Variants in AQR observed in about 807,000 individuals in gnomAD.
The protein encoded by AQR is RNA helicase aquarius.
AQR carries 61 observed loss-of-function variants against 180.5 expected under a neutral mutation model. The observed-to-expected ratio is 0.34, with a 90% confidence interval of 0.28 to 0.42. The LOEUF is 0.42. Ranked by LOEUF, AQR falls within the 10% of genes least tolerant of loss-of-function variation. The pLI is 1.00. For missense variants in AQR, 1,281 were observed against 1,798.3 expected (o/e 0.71, Z 5.20); for synonymous variants, 551 against 588.8 (o/e 0.94, Z 0.93).
chr15:34,904,670 G>A (rs1893384355), intron 18 of AQR, among the ~76,000 whole-genome samples, 165 bp from the exon 19 acceptor site: 2 of 150,504 alleles, frequency 1.3e-5, no homozygotes, highest in Non-Finnish European at 2.9e-5. Context: ...CAAATTCTAA[G>A]ATGCTGAAAG....
intron 5 of AQR, 67 bp from the exon 6 acceptor site, chr15:34,944,495 G>C: frequency 6.8e-7 from 1 of 1,472,590 alleles, no homozygotes. Flanking sequence ...AGAAGCCCTA[G>C]TAGGCTTTTT....
chr15:34,938,929 G>T, intron 8 of AQR, 116 bp from the exon 9 acceptor site: 1 of 707,950 alleles, frequency 1.4e-6, no homozygotes, highest in Admixed American at 2.5e-5. Context: ...TCTTTGTGAA[G>T]CTGGGACTAT....
intron 1 of AQR, among the ~76,000 whole-genome samples, chr15:34,968,629 AC>A (rs1283561888): frequency 6.6e-6 from 1 of 152,216 alleles, no homozygotes; most frequent in African/African-American, 2.4e-5. Context: ...TCGGAAAGCA[AC>A]ATGAAGAATG....
chr15:34,870,790 G>A lies in AQR; in HGVS notation c.3730C>T (p.Arg1244Ter), dbSNP rs1198187767. 6.2e-7 allele frequency: 1 copy of A among 1,612,494 alleles called. No individual in the cohort carries two copies. Among genetic ancestry groups the A allele is most frequent in the Non-Finnish European group, 8.5e-7 (1 of 1,179,312 alleles). ...KHLIRDIINRRCGNNPLIGRP... is the reference protein window; with the variant it reads ...KHLIRDIINR Reference sequence around the variant, plus strand: ...CCAATCAATGGATTGTTTCCACATCGTCTATTGATGATGTCGCGAATAAGA... The same window carrying A: ...CCAATCAATGGATTGTTTCCACATCATCTATTGATGATGTCGCGAATAAGA... The change falls in exon 31 of 35, where the codon CGA becomes TGA. Residue 1244 changes from arginine (R) to a stop codon, truncating the protein, a stop_gained. Coordinates refer to ENST00000156471, the MANE Select transcript of AQR (RefSeq NM_014691.3). LOFTEE classifies it high-confidence loss of function.
intron 25 of AQR, among the ~76,000 whole-genome samples, chr15:34,885,685 C>A (rs1893050050): frequency 6.6e-6 from 1 of 152,100 alleles, no homozygotes; most frequent in Admixed American, 6.5e-5. Flanking sequence ...TTAAGCTGAT[C>A]TTTACTCCTT....
intron 5 of AQR, among the ~76,000 whole-genome samples, chr15:34,946,822 G>C (rs1894133004): frequency 6.6e-6 from 1 of 150,470 alleles, no homozygotes; most frequent in Non-Finnish European, 1.5e-5. Context: ...TCTCTGCCCG[G>C]CCGCCCCTAC....
intron 13 of AQR, among the ~76,000 whole-genome samples, chr15:34,924,169 G>C (rs1369447354): frequency 6.6e-6 from 1 of 152,082 alleles, no homozygotes; most frequent in Non-Finnish European, 1.5e-5. Flanking sequence ...GAGTATTAAA[G>C]AAGAACATTC....
chr15:34,922,420 A>G (rs776913542), intron 13 of AQR, among the ~76,000 whole-genome samples: 4 of 152,194 alleles, frequency 2.6e-5, no homozygotes, highest in Non-Finnish European at 5.9e-5. Flanking sequence ...TGTTAAGTTC[A>G]TGTTTACCTT....
chr15:34,882,436 A>C (rs1249826108), intron 27 of AQR, 66 bp downstream of exon 27: 4 of 1,361,770 alleles, frequency 2.9e-6, no homozygotes, highest in Non-Finnish European at 3.8e-6. Context: ...TACGAACTTC[A>C]TAAGAAGTGA....
intron 13 of AQR, among the ~76,000 whole-genome samples, chr15:34,926,049 C>A (rs958754100): frequency 1.3e-5 from 2 of 151,972 alleles, no homozygotes; most frequent in African/African-American, 4.8e-5. Flanking sequence ...CGCCTGTAGT[C>A]CCAGCTACTC....
chr15:34,961,588 T>G (rs1257563218), intron 2 of AQR, among the ~76,000 whole-genome samples: 2 of 124,264 alleles, frequency 1.6e-5, no homozygotes, highest in Non-Finnish European at 3.1e-5. Flanking sequence ...CCATCCAGCC[T>G]GGTGATAGAG....
intron 3 of AQR, among the ~76,000 whole-genome samples, chr15:34,956,697 A>G (rs953776427): frequency 7.3e-4 from 17 of 23,222 alleles, no homozygotes; most frequent in Non-Finnish European, 2.0e-3. Flanking sequence ...AAGAAGTCAG[A>G]AAAAAAAAAA....
chr15:34,856,845 C>A lies in AQR; in HGVS notation c.4405G>T (p.Ala1469Ser). 6.2e-7 allele frequency: 1 copy of A among 1,604,128 alleles called. No individual in the cohort carries two copies. ...PTVVGAVSAP[A>S]EANTPQDATS... is the part of the protein sequence containing the mutation. ...GCATCCTGAGGTGTGTTAGCTTCTG[C>A]CGGTGCAGATACAGCTCCTACCACA... Residue 1469 changes from alanine to serine, a missense_variant, in exon 35 of 35, where the codon GCA (alanine) becomes TCA (serine). Physicochemically the swap from Ala to Ser is moderately conservative, Grantham distance 99. Coordinates refer to ENST00000156471, the MANE Select transcript of AQR (RefSeq NM_014691.3).
At chr15:34,909,276 A>G (rs1191963896) in intron 17 of AQR, among the ~76,000 whole-genome samples, 1 of 152,234 alleles carries the variant, frequency 6.6e-6, no homozygotes, top group Non-Finnish European at 1.5e-5. Context: ...GCTTTAAGTA[A>G]GACCTCTCAC....
Position 34,856,445 on chromosome 15 carries a change from G to C in AQR, c.*347C>G. The C allele has an allele frequency of 2.5e-6, 1 of 399,184 alleles. No homozygotes were observed. The highest frequency in any genetic ancestry group is 4.4e-6 in the Non-Finnish European group (1 of 226,574). 24.7% of individuals were successfully genotyped at this position (399,184 alleles called of 1,614,324 possible). On this transcript the variant is annotated 3_prime_UTR_variant, in exon 35 of 35. Coordinates refer to ENST00000156471, the MANE Select transcript of AQR (RefSeq NM_014691.3). ...GACACTCAAGGGTATTCGTGGTTAA[G>C]TCCAGTATATTCTGTCCTCTTCTTT...
At chr15:34,928,272 GGTTT>G (rs1893795136) in intron 12 of AQR, among the ~76,000 whole-genome samples, 1 of 151,846 alleles carries the variant, frequency 6.6e-6, no homozygotes, top group South Asian at 2.1e-4. Context: ...GAAATGTGCA[GGTTT>G]GTTACATAGG....
intron 19 of AQR, among the ~76,000 whole-genome samples, chr15:34,902,272 G>A (rs1893342797): frequency 6.6e-6 from 1 of 152,224 alleles, no homozygotes; most frequent in Admixed American, 6.5e-5. Flanking sequence ...AGACTCAAGG[G>A]TAGACAAAGA....
chr15:34,862,304 A>G (rs2140457753), intron 33 of AQR, among the ~76,000 whole-genome samples: 1 of 152,316 alleles, frequency 6.6e-6, no homozygotes, highest in Non-Finnish European at 1.5e-5. Context: ...AATGATAAAT[A>G]ACATGAACTC....
At position 34,934,269 on chromosome 15, in the gene AQR, T is replaced by C. The variant is rs370662976; in HGVS notation, c.783+302A>G. Reference sequence around the variant, plus strand: ...AATGTATAATCTATATTAATAAATATTGTATACAATACTATATTATTATAC... The same window carrying C: ...AATGTATAATCTATATTAATAAATACTGTATACAATACTATATTATTATAC... On this transcript the variant is annotated intron_variant, in intron 10 of 34. Transcript: ENST00000156471. 7.4e-5 allele frequency among the ~76,000 whole-genome samples: 11 copies of C among 149,184 alleles called. No homozygotes were observed. In the East Asian group the frequency reaches 1.6e-3, roughly 21 times the overall value.
Sources: allele counts gnomAD v4.1 joint callset (sites outside exome capture counted in the v4.1 genomes callset), GRCh38; gene constraint gnomAD v4.1.1; transcripts MANE v1.5; gene names NCBI Gene and HGNC (gene_info 2026-07-23, HGNC 2026-07-21).